The following TRPM3 variants were observed in gnomAD, a reference collection of about 807,000 sequenced individuals.
The protein encoded by TRPM3 is long transient receptor potential channel 3.
A neutral mutation model predicts 181.2 loss-of-function variants in TRPM3; 77 were observed. The observed-to-expected ratio is 0.42, with a 90% confidence interval of 0.35 to 0.51. TRPM3 has a LOEUF of 0.51. Among genes scored for constraint, TRPM3 ranks in the 20% least tolerant of loss-of-function variants. The pLI is 0.01. For synonymous variants in TRPM3, 745 were observed against 796.4 expected (o/e 0.94, Z 1.09); for missense variants, 1,759 against 2,196.7 (o/e 0.80, Z 3.98).
chr9:71,277,492 G>C (rs768875256), intron 1 of TRPM3, among the ~76,000 whole-genome samples: 3 of 152,110 alleles, frequency 2.0e-5, no homozygotes, highest in African/African-American at 4.8e-5. Context: ...GGTATCAGTT[G>C]AAAGTTTTGG....
chr9:70,741,951 T>C (rs1400122094), intron 8 of TRPM3, among the ~76,000 whole-genome samples: 1 of 152,116 alleles, frequency 6.6e-6, no homozygotes, highest in African/African-American at 2.4e-5. Context: ...AAACACCATC[T>C]GTTCCCCCAA....
At chr9:71,191,445 G>A (rs1433070438) in intron 1 of TRPM3, among the ~76,000 whole-genome samples, 1 of 151,644 alleles carries the variant, frequency 6.6e-6, no homozygotes, top group Non-Finnish European at 1.5e-5. Flanking sequence ...CTAGCTCATG[G>A]TCTGTGCTAG....
rs144587943 is a variant in TRPM3, at chr9:71,428,185, G to A, written c.183+18468C>T. ...CAGCTCATTGCAACCTCCACCTCCT[G>A]GGTTCAAACAATTCTCCTGCCTCAA... is the stretch of plus-strand genomic sequence containing the variant. On this transcript the variant is annotated intron_variant, in intron 1 of 24. Coordinates refer to the TRPM3 transcript ENST00000357533. Among the ~76,000 whole-genome samples the A allele has an allele frequency of 7.1e-4, 107 of 151,712 alleles. 1 individual carries two copies. The highest frequency in any genetic ancestry group is 2.4e-3 in the African/African-American group (99 of 41,360).
intron 1 of TRPM3, among the ~76,000 whole-genome samples, chr9:71,368,560 C>A (rs2092412618): frequency 7.2e-6 from 1 of 138,270 alleles, no homozygotes; most frequent in African/African-American, 2.6e-5. Flanking sequence ...AGAGCTAGCA[C>A]ATAAAAAGTG....
At chr9:71,108,873 T>C (rs2070375745) in intron 1 of TRPM3, among the ~76,000 whole-genome samples, 1 of 152,204 alleles carries the variant, frequency 6.6e-6, no homozygotes, top group African/African-American at 2.4e-5. Context: ...CTCTGGGCTG[T>C]GGTGCCCAGA....
At chr9:70,691,251 G>A (rs1208756653) in intron 8 of TRPM3, among the ~76,000 whole-genome samples, 1 of 152,138 alleles carries the variant, frequency 6.6e-6, no homozygotes. Context: ...TGATGCTAGG[G>A]AGCTAGAAAT....
chr9:70,877,391 TA>T (rs1342412205), intron 1 of TRPM3, among the ~76,000 whole-genome samples: 8 of 152,068 alleles, frequency 5.3e-5, no homozygotes, highest in African/African-American at 1.9e-4. Flanking sequence ...ATTGCTTCTT[TA>T]AAGTGACACA....
intron 22 of TRPM3, among the ~76,000 whole-genome samples, chr9:70,557,545 G>A (rs1043766160): frequency 1.3e-5 from 2 of 152,168 alleles, no homozygotes; most frequent in African/African-American, 4.8e-5. Flanking sequence ...AGATGAACTG[G>A]TGCCTTAAAA....
At chr9:71,049,445 A>C (rs929609663) in intron 1 of TRPM3, among the ~76,000 whole-genome samples, 1 of 152,232 alleles carries the variant, frequency 6.6e-6, no homozygotes, top group African/African-American at 2.4e-5. Flanking sequence ...AATATATTGT[A>C]TTAACACTAC....
chr9:71,069,383 T>A (rs1179672338), intron 1 of TRPM3, among the ~76,000 whole-genome samples: 1 of 152,182 alleles, frequency 6.6e-6, no homozygotes, highest in Non-Finnish European at 1.5e-5. Context: ...TTCACCATGT[T>A]GGCCAGGGTG....
At chr9:70,540,012 C>T (rs1257584436) in intron 25 of TRPM3, among the ~76,000 whole-genome samples, 1 of 152,022 alleles carries the variant, frequency 6.6e-6, no homozygotes, top group Non-Finnish European at 1.5e-5. Context: ...TTTTTTGAAA[C>T]ATTTTTTATA....
At chr9:70,788,755 T>A (rs573965420) in intron 6 of TRPM3, among the ~76,000 whole-genome samples, 73 of 152,258 alleles carry the variant, frequency 4.8e-4, no homozygotes, top group African/African-American at 1.7e-3. Flanking sequence ...CATCTAGGCA[T>A]GATGGGAGAC....
chr9:71,128,671 T>C (rs2074198510), intron 1 of TRPM3, among the ~76,000 whole-genome samples: 1 of 152,186 alleles, frequency 6.6e-6, no homozygotes, highest in African/African-American at 2.4e-5. Flanking sequence ...ATGAAAGCCA[T>C]AAATTTGACC....
At chr9:71,439,440 G>C (rs988238395) in intron 1 of TRPM3, among the ~76,000 whole-genome samples, 1 of 152,090 alleles carries the variant, frequency 6.6e-6, no homozygotes, top group African/African-American at 2.4e-5. Flanking sequence ...TCATCCTGGG[G>C]GGCAGGTATT....
At chr9:71,380,014 G>T (rs191707818) in intron 1 of TRPM3, among the ~76,000 whole-genome samples, 1 of 152,128 alleles carries the variant, frequency 6.6e-6, no homozygotes, top group African/African-American at 2.4e-5. Flanking sequence ...TTTTAAGATG[G>T]AGCAGGGGGA....
chr9:70,975,009 A>T lies in TRPM3; in HGVS notation c.178-110498T>A, dbSNP rs149316628. Among the ~76,000 whole-genome samples, 470 of 151,816 alleles carry T rather than the reference A, an allele frequency of 3.1e-3. 5 individuals are homozygous for T. The highest frequency in any genetic ancestry group is 0.011 in the African/African-American group (445 of 41,396). ...CAGTCTCCCAAGTAGCTGGGATTACAGGTGCCCATCACCACATCTGGCTAA... is the reference window on the plus strand; with the variant it reads ...CAGTCTCCCAAGTAGCTGGGATTACTGGTGCCCATCACCACATCTGGCTAA... On this transcript the variant is annotated intron_variant, in intron 1 of 25. Coordinates refer to ENST00000677713, the MANE Select transcript of TRPM3 (RefSeq NM_001366145.2).
At chr9:70,753,134 T>TG (rs2076477482) in intron 8 of TRPM3, among the ~76,000 whole-genome samples, 2 of 152,048 alleles carry the variant, frequency 1.3e-5, no homozygotes, top group Admixed American at 1.3e-4. Flanking sequence ...TACACTATGA[T>TG]GTTCACACAA....
chr9:71,443,131 C>T (rs760271382), intron 1 of TRPM3, among the ~76,000 whole-genome samples: 8 of 152,054 alleles, frequency 5.3e-5, no homozygotes, highest in South Asian at 2.1e-4. Context: ...TGACCTATGA[C>T]GCAATCTCAG....
chr9:70,836,160 T>C (rs2094306753), intron 5 of TRPM3, among the ~76,000 whole-genome samples: 1 of 152,158 alleles, frequency 6.6e-6, no homozygotes, highest in South Asian at 2.1e-4. Context: ...CTCTCTCCCA[T>C]TCTCCTTCAG....
Sources: allele counts gnomAD v4.1 joint callset (sites outside exome capture counted in the v4.1 genomes callset), GRCh38; gene constraint gnomAD v4.1.1; transcripts MANE v1.5; gene names NCBI Gene and HGNC (gene_info 2026-07-23, HGNC 2026-07-21).